RBBP6: variants seen among roughly 807,000 people sequenced by gnomAD.
The protein encoded by RBBP6 is E3 ubiquitin-protein ligase RBBP6.
RBBP6 carries 25 observed loss-of-function variants against 167.7 expected under a neutral mutation model. That is an observed-to-expected ratio of 0.15 (90% confidence interval 0.11 to 0.21). RBBP6 has a LOEUF of 0.21. Among genes scored for constraint, RBBP6 ranks in the 10% least tolerant of loss-of-function variants. RBBP6 has a pLI of 1.00. For synonymous variants in RBBP6, 789 were observed against 735.8 expected, an observed-to-expected ratio of 1.07 and a Z score of -1.17; for missense variants, 1,868 against 2,134.2, an observed-to-expected ratio of 0.88 and a Z score of 2.46.
Position 24,569,956 on chromosome 16 carries a change from G to C in RBBP6, c.3266G>C (p.Arg1089Thr). ...GATGAAAAAATCACTGGAACCCCCA[G>C]AAAAGCTCACTCTAAATCAGCAAAA... Reference protein sequence around the residue: ...QKDEKITGTPRKAHSKSAKEH... With the variant: ...QKDEKITGTPTKAHSKSAKEH... The change falls in exon 17 of 18, where the codon AGA (arginine) becomes ACA (threonine). Residue 1089 changes from arginine (R) to threonine (T), a missense_variant. Around this residue, in one of 7 missense-constraint regions of RBBP6, gnomAD observed 673 missense variants for 691.5 expected, o/e 0.97. Transcript: ENST00000319715. 1.2e-6 allele frequency: 2 copies of C among 1,600,728 alleles called. No individual in the cohort carries two copies. The highest frequency in any genetic ancestry group is 1.7e-6 in the Non-Finnish European group (2 of 1,176,918).
chr16:24,563,441 C>G lies in RBBP6; in HGVS notation c.1405C>G (p.Leu469Val). The G allele has an allele frequency of 6.3e-7, 1 of 1,595,166 alleles. No homozygotes were observed. Among genetic ancestry groups the G allele is most frequent in the Non-Finnish European group, 8.5e-7 (1 of 1,174,782 alleles). The change falls in exon 12 of 18, where the codon CTT (leucine) becomes GTT (valine). Residue 469 changes from leucine (L) to valine (V), a missense_variant. Leu to Val is a conservative substitution (Grantham distance 32). Around this residue, in one of 7 missense-constraint regions of RBBP6, gnomAD observed 245 missense variants for 240.1 expected, o/e 1.02. Transcript: ENST00000319715. ...TCTAAAGGGTTACCAGGTGCCTGTT[C>G]TTGGAACCCCATCTTTGCTTGGACA... ...MEEKGYQVPVLGTPSLLGQSL... is the reference protein window; with the variant it reads ...MEEKGYQVPVVGTPSLLGQSL...
At chr16:24,565,436 C>T (rs967464420) in intron 14 of RBBP6, among the ~76,000 whole-genome samples, 2 of 152,306 alleles carry the variant, frequency 1.3e-5, no homozygotes, top group East Asian at 3.9e-4. Context: ...CAGTATCCAT[C>T]CTTGGCCTGT....
At position 24,540,522 on chromosome 16, in the gene RBBP6, CTT is replaced by C; in HGVS notation, c.-103_-102del. ...CTGAGGCCTTAGGGTCCTTCGGTGT[CTT>C]TGAGTGTTTTGTGTGTACATATTTT... On this transcript the variant is annotated 5_prime_UTR_variant, in exon 1 of 18. Transcript: ENST00000319715. 4.9e-6 allele frequency: 6 copies of C among 1,213,890 alleles called. No homozygotes were observed. The highest frequency in any genetic ancestry group is 1.6e-5 in the South Asian group (1 of 64,294). The allele number at this position is 1,213,890 out of a possible 1,614,324, so 75.2% of individuals were successfully genotyped here.
rs1054024888 is a variant in RBBP6, at chr16:24,571,219, A to G, written c.4153A>G (p.Ile1385Val). 70 of 1,613,590 alleles carry G rather than the reference A, an allele frequency of 4.3e-5. No homozygotes were observed. The highest frequency in any genetic ancestry group is 1.6e-4 in the Middle Eastern group (1 of 6,084). ...KFTKDVSHEIIQHEVKSSKNS... is the reference protein window; with the variant it reads ...KFTKDVSHEIVQHEVKSSKNS... ...CACCAAGGACGTGAGCCATGAAATC[A>G]TACAACATGAGGTTAAAAGTTCAAA... The change falls in exon 18 of 18, where the codon ATA (isoleucine) becomes GTA (valine). Residue 1385 changes from isoleucine (I) to valine (V), a missense_variant. This residue lies in a region of RBBP6 where 591 missense variants were observed against 540.5 expected (regional missense o/e 1.09). Coordinates refer to ENST00000319715, the MANE Select transcript of RBBP6 (RefSeq NM_006910.5).
intron 3 of RBBP6, among the ~76,000 whole-genome samples, chr16:24,551,965 G>T (rs536276264): frequency 3.3e-5 from 5 of 151,650 alleles, no homozygotes; most frequent in Admixed American, 3.3e-4. Flanking sequence ...ATTATTTAGA[G>T]GTTTTTTTCT....
At position 24,572,768 on chromosome 16, in the gene RBBP6, A is replaced by C. The variant is rs1567283181; in HGVS notation, c.*323A>C. The C allele has an allele frequency of 9.3e-6, 2 of 216,080 alleles. No homozygotes were observed. The highest frequency in any genetic ancestry group is 1.8e-5 in the Non-Finnish European group (2 of 109,084). 13.4% of individuals were successfully genotyped at this position (216,080 alleles called of 1,614,324 possible). On this transcript the variant is annotated 3_prime_UTR_variant, in exon 18 of 18. Coordinates refer to ENST00000319715, the MANE Select transcript of RBBP6 (RefSeq NM_006910.5). ...TAATTGCCTGGCAAAAGCTGATATA[A>C]GTTCTAAAATATCAGCAGAATGATT...
At position 24,540,569 on chromosome 16, in the gene RBBP6, A is replaced by C. The variant is rs1898460155; in HGVS notation, c.-58A>C. 1 of 1,490,234 alleles carries C rather than the reference A, an allele frequency of 6.7e-7. No individual in the cohort carries two copies. The highest frequency in any genetic ancestry group is 1.4e-5 in the African/African-American group (1 of 71,102). 92.3% of individuals were successfully genotyped at this position (1,490,234 alleles called of 1,614,324 possible). A position where few individuals can be genotyped will look rare whatever the true frequency, so the allele number is the denominator to read the frequency against. ...TATTTTGCTCTTAAAGTTTATAAAT[A>C]TACGTATATTGAGAGTGTCCACGTC... On this transcript the variant is annotated 5_prime_UTR_variant, in exon 1 of 18. Transcript: ENST00000319715.
rs1898793423 is a variant in RBBP6, at chr16:24,551,483, GGACTATAA to G, written c.304-2027_304-2020del. 2.0e-5 allele frequency among the ~76,000 whole-genome samples: 3 copies of G among 151,644 alleles called. No homozygotes were observed. In the South Asian group the frequency reaches 6.2e-4, roughly 31 times the overall value. On this transcript the variant is annotated intron_variant, in intron 3 of 17. Coordinates refer to ENST00000319715, the MANE Select transcript of RBBP6 (RefSeq NM_006910.5). ...TTTGAGGTAAATTTGACTTCTTTGT[GGACTATAA>G]GATATTTAGGGGCAATAGTGATTAC...
At chr16:24,560,895 T>G (rs897172204) in intron 8 of RBBP6, among the ~76,000 whole-genome samples, 8 of 152,306 alleles carry the variant, frequency 5.3e-5, no homozygotes, top group Admixed American at 1.3e-4. Flanking sequence ...ACCCATCCCC[T>G]TTGGATACCT....
In RBBP6 at chr16:24,571,126, A is replaced by G. The variant is rs1246109996; in HGVS notation, c.4060A>G (p.Thr1354Ala). ...TGCTAGTGTTATAAAAAATGTTAGT[A>G]CAAAGCCATCAAATATAGTCAAGTA... ...KPASVIKNVSTKPSNIVKYPE... is the reference protein window; with the variant it reads ...KPASVIKNVSAKPSNIVKYPE... The change falls in exon 18 of 18, where the codon ACA becomes GCA. Residue 1354 changes from threonine (T) to alanine (A), a missense_variant. Coordinates refer to ENST00000319715, the MANE Select transcript of RBBP6 (RefSeq NM_006910.5). 4.3e-6 allele frequency: 7 copies of G among 1,613,610 alleles called. No individual in the cohort carries two copies. Among genetic ancestry groups the G allele is most frequent in the Non-Finnish European group, 5.9e-6 (7 of 1,179,638 alleles).
At position 24,569,282 on chromosome 16, in the gene RBBP6, A is replaced by G. The variant is rs1303344852; in HGVS notation, c.2592A>G (p.Arg864=). 4 of 1,612,198 alleles carry G rather than the reference A, an allele frequency of 2.5e-6. No homozygotes were observed. Among genetic ancestry groups the G allele is most frequent in the Non-Finnish European group, 3.4e-6 (4 of 1,179,630 alleles). ...SANRENFSPE[R]FLPLNIRNSP... is the part of the protein sequence containing the mutation. ...ATAGAGAGAACTTTTCTCCAGAGAGATTTTTGCCACTTAACATCAGGAATT... is the reference window on the plus strand; with the variant it reads ...ATAGAGAGAACTTTTCTCCAGAGAGGTTTTTGCCACTTAACATCAGGAATT... The change falls in exon 17 of 18, where the codon AGA becomes AGG. Residue 864 remains arginine, a synonymous_variant. Transcript: ENST00000319715.
At chr16:24,548,077 A>T (rs1052001557) in intron 2 of RBBP6, among the ~76,000 whole-genome samples, 4 of 151,876 alleles carry the variant, frequency 2.6e-5, no homozygotes, top group African/African-American at 9.7e-5. Flanking sequence ...ACACCTAGAA[A>T]CTCCTGTTAG....
intron 8 of RBBP6, chr16:24,559,941 T>C (rs932132878): frequency 4.0e-5 from 9 of 224,290 alleles, no homozygotes; most frequent in Non-Finnish European, 7.7e-5. Context: ...TAATATAGAC[T>C]TTTTGTTTCC....
At position 24,569,661 on chromosome 16, in the gene RBBP6, A is replaced by G. The variant is rs763836212; in HGVS notation, c.2971A>G (p.Met991Val). Reference sequence around the variant, plus strand: ...TGCCACACCTGTTAGAGATGAACCAATGGATGCAGAATCAATCACTTTTAA... The same window carrying G: ...TGCCACACCTGTTAGAGATGAACCAGTGGATGCAGAATCAATCACTTTTAA... ...DDATPVRDEPMDAESITFKSV... is the reference protein window; with the variant it reads ...DDATPVRDEPVDAESITFKSV... The change falls in exon 17 of 18, where the codon ATG becomes GTG. Residue 991 changes from methionine to valine, a missense_variant. By Grantham distance (21) the Met-to-Val change is conservative (BLOSUM62 1). This residue lies in a region of RBBP6 where 673 missense variants were observed against 691.5 expected (regional missense o/e 0.97). Coordinates refer to ENST00000319715, the MANE Select transcript of RBBP6 (RefSeq NM_006910.5). The G allele has an allele frequency of 1.4e-5, 23 of 1,613,264 alleles. 1 individual carries two copies. Among genetic ancestry groups the G allele is most frequent in the Admixed American group, 1.0e-4 (6 of 59,876 alleles).
intron 4 of RBBP6, chr16:24,554,251 C>T (rs1210558961): frequency 6.6e-6 from 1 of 151,706 alleles, no homozygotes; most frequent in Non-Finnish European, 1.5e-5. Context: ...TGGGAAAGCA[C>T]TAGTGATGGA....
intron 2 of RBBP6, 48 bp from the exon 3 acceptor site, chr16:24,548,897 A>G: frequency 6.7e-7 from 1 of 1,487,014 alleles, no homozygotes; most frequent in Non-Finnish European, 9.2e-7. Flanking sequence ...TTAGCACAAA[A>G]ATTCATAAAT....
At chr16:24,542,309 G>A (rs1898520464) in intron 1 of RBBP6, among the ~76,000 whole-genome samples, 1 of 152,190 alleles carries the variant, frequency 6.6e-6, no homozygotes, top group Non-Finnish European at 1.5e-5. Context: ...TTATGAATGA[G>A]AGGAGAGACA....
chr16:24,561,636 C>T lies in RBBP6; in HGVS notation c.872C>T (p.Ser291Leu). Residue 291 changes from serine to leucine, a missense_variant, in exon 9 of 18, where the codon TCA becomes TTA. By Grantham distance (145) the Ser-to-Leu change is moderately radical. Around this residue, in one of 7 missense-constraint regions of RBBP6, gnomAD observed 11 missense variants for 69.7 expected, o/e 0.16. Coordinates refer to ENST00000319715, the MANE Select transcript of RBBP6 (RefSeq NM_006910.5). ...DECIRTALLE[S>L]DEHTCPTCHQ... ...GGTATAAGAACAGCACTCCTGGAAT[C>T]AGATGAGCACACATGTCCGACGTGT... The T allele has an allele frequency of 6.2e-7, 1 of 1,613,998 alleles. No individual in the cohort carries two copies. The highest frequency in any genetic ancestry group is 8.5e-7 in the Non-Finnish European group (1 of 1,179,916).
rs768823495 is a variant in RBBP6 at position 24,562,018 on chromosome 16, G to A, written c.1146G>A (p.Pro382=). Residue 382 remains proline, a synonymous_variant, in exon 10 of 18, where the codon CCG becomes CCA. Coordinates refer to ENST00000319715, the MANE Select transcript of RBBP6 (RefSeq NM_006910.5). Reference sequence around the variant, plus strand: ...CATCTTCATCAACTCACCCAGCTCCGTCTATATCTTCATTAACTTCTAATC... The same window carrying A: ...CATCTTCATCAACTCACCCAGCTCCATCTATATCTTCATTAACTTCTAATC... The part of the protein sequence containing the change: ...PVTSSSTHPA[P]SISSLTSNQS... 3.4e-5 allele frequency: 55 copies of A among 1,613,030 alleles called. 1 individual carries two copies. Among genetic ancestry groups the A allele is most frequent in the South Asian group, 5.5e-5 (5 of 91,066 alleles).
Sources: gnomAD v4.1 joint callset for allele counts (sites outside exome capture counted in the v4.1 genomes callset) on GRCh38, gnomAD v4.1.1 for gene constraint, gnomAD v4.1.1 regional missense constraint, MANE v1.5 for transcripts, NCBI Gene and HGNC (gene_info 2026-07-23, HGNC 2026-07-21) for gene names.